Variants in SIPA1L2 observed in about 807,000 individuals in gnomAD.
The protein encoded by SIPA1L2 is signal induced proliferation associated 1 like 2.
Under a neutral mutation model 163.9 loss-of-function variants are expected in SIPA1L2, and 56 were observed. The observed-to-expected ratio is 0.34, with a 90% CI of 0.28 to 0.43. SIPA1L2 has a LOEUF of 0.43. Ranked by LOEUF, SIPA1L2 falls within the 20% of genes least tolerant of loss-of-function variation. The pLI is 1.00. For synonymous variants in SIPA1L2, 877 were observed against 865.7 expected, an observed-to-expected ratio of 1.01 and a Z score of -0.23; for missense variants, 1,974 against 2,193.5, an observed-to-expected ratio of 0.90 and a Z score of 2.00.
intron 1 of SIPA1L2, among the ~76,000 whole-genome samples, chr1:232,579,010 AG>A (rs1660223974): frequency 6.6e-6 from 1 of 152,186 alleles, no homozygotes; most frequent in Non-Finnish European, 1.5e-5. Context: ...GCCAAGTGTG[AG>A]GGGGAAAGGT....
chr1:232,566,953 A>G (rs1205759028), intron 2 of SIPA1L2, among the ~76,000 whole-genome samples: 1 of 152,222 alleles, frequency 6.6e-6, no homozygotes, highest in South Asian at 2.1e-4. Context: ...AGAAGATAAT[A>G]TAATTGTACA....
chr1:232,498,742 T>A (rs949490635), intron 3 of SIPA1L2, among the ~76,000 whole-genome samples: 1 of 152,160 alleles, frequency 6.6e-6, no homozygotes, highest in African/African-American at 2.4e-5. Flanking sequence ...GTTTTCCTCC[T>A]TATAAGGACA....
intron 3 of SIPA1L2, among the ~76,000 whole-genome samples, chr1:232,496,500 G>T (rs1666197974): frequency 6.7e-6 from 1 of 149,422 alleles, no homozygotes. Flanking sequence ...AAAAGCTCCA[G>T]TGACATTAAG....
intron 1 of SIPA1L2, among the ~76,000 whole-genome samples, chr1:232,610,867 A>C (rs1036158115): frequency 2.0e-5 from 3 of 152,164 alleles, no homozygotes; most frequent in African/African-American, 7.2e-5. Flanking sequence ...AATGAGCTTA[A>C]AAAAAGTAAA....
At chr1:232,623,420 A>G (rs964425440) in intron 1 of SIPA1L2, among the ~76,000 whole-genome samples, 10 of 152,172 alleles carry the variant, frequency 6.6e-5, no homozygotes, top group African/African-American at 2.4e-4. Flanking sequence ...CCTGGCTAAC[A>G]TGGTGAAACT....
chr1:232,435,113 G>C (rs562003995), intron 15 of SIPA1L2, among the ~76,000 whole-genome samples: 12 of 152,084 alleles, frequency 7.9e-5, no homozygotes, highest in African/African-American at 2.7e-4. Flanking sequence ...GAGATGTTTC[G>C]TTGTTAAAGG....
chr1:232,439,181 C>T lies in SIPA1L2; in HGVS notation c.3958G>A (p.Ala1320Thr), dbSNP rs143814948. The T allele has an allele frequency of 6.0e-5, 97 of 1,613,634 alleles. No individual in the cohort carries two copies. The highest frequency in any genetic ancestry group is 7.3e-5 in the Non-Finnish European group (86 of 1,180,012). The change falls in exon 15 of 23, where the codon GCG becomes ACG. Residue 1320 changes from alanine to threonine, a missense_variant. Transcript: ENST00000674635. ...PAKLYSVHGY[A>T]STISAGSAAE... Reference sequence around the variant, plus strand: ...GCACTGCCGGCGGAGATGGTGGACGCGTAGCCATGCACAGAATATAACTTG... The same window carrying T: ...GCACTGCCGGCGGAGATGGTGGACGTGTAGCCATGCACAGAATATAACTTG...
At chr1:232,509,430 A>C (rs187110836) in intron 3 of SIPA1L2, among the ~76,000 whole-genome samples, 54 of 152,364 alleles carry the variant, frequency 3.5e-4, no homozygotes, top group Non-Finnish European at 5.6e-4. Flanking sequence ...AAGTATTGAA[A>C]GATAGATCCC....
At chr1:232,527,053 A>AATGCTT (rs1339933575) in intron 2 of SIPA1L2, among the ~76,000 whole-genome samples, 5 of 152,318 alleles carry the variant, frequency 3.3e-5, no homozygotes, top group African/African-American at 1.2e-4. Context: ...TTCCACACGG[A>AATGCTT]CAGACCAGCA....
intron 6 of SIPA1L2, 114 bp downstream of exon 6, chr1:232,483,678 T>C: frequency 1.7e-6 from 2 of 1,143,100 alleles, no homozygotes; most frequent in South Asian, 1.4e-5. Context: ...ATAAGCTTTC[T>C]AGGCTGCTTC....
intron 18 of SIPA1L2, 71 bp from the exon 19 acceptor site, chr1:232,415,696 C>G: frequency 1.9e-6 from 3 of 1,598,450 alleles, no homozygotes; most frequent in Non-Finnish European, 2.6e-6. Flanking sequence ...TGAGTCAGAA[C>G]ATGGGCACCA....
At chr1:232,550,459 C>A (rs1658310420) in intron 2 of SIPA1L2, among the ~76,000 whole-genome samples, 1 of 152,210 alleles carries the variant, frequency 6.6e-6, no homozygotes, top group Non-Finnish European at 1.5e-5. Flanking sequence ...CAGCCACCTT[C>A]ATTTATATAA....
chr1:232,515,662 C>T (rs1375861969), intron 2 of SIPA1L2, 54 bp from the exon 3 acceptor site: 1 of 261,570 alleles, frequency 3.8e-6, no homozygotes, highest in East Asian at 7.6e-5. Flanking sequence ...TCAAGTTGAA[C>T]ACATTCTATG....
chr1:232,455,714 C>CAA (rs1359853284), intron 10 of SIPA1L2, among the ~76,000 whole-genome samples: 64 of 82,748 alleles, frequency 7.7e-4, no homozygotes, highest in African/African-American at 2.1e-3. Flanking sequence ...GACTCTGTCT[C>CAA]AAAAAAAAAA....
intron 2 of SIPA1L2, among the ~76,000 whole-genome samples, chr1:232,565,317 G>A (rs1221634926): frequency 2.0e-5 from 3 of 152,186 alleles, no homozygotes; most frequent in African/African-American, 7.2e-5. Context: ...AAATCAAACT[G>A]TTTTCACCAA....
chr1:232,513,505 T>TAGG, intron 3 of SIPA1L2, among the ~76,000 whole-genome samples: 1 of 152,132 alleles, frequency 6.6e-6, no homozygotes, highest in Middle Eastern at 3.4e-3. Context: ...TTCAGAGGAA[T>TAGG]AGGAGGAGGA....
chr1:232,511,597 C>T (rs192656759), intron 3 of SIPA1L2, among the ~76,000 whole-genome samples: 52 of 152,272 alleles, frequency 3.4e-4, no homozygotes, highest in East Asian at 2.1e-3. Flanking sequence ...AATAAACAGG[C>T]TTCACAGTGG....
At chr1:232,431,597 T>C (rs1039605666) in intron 16 of SIPA1L2, among the ~76,000 whole-genome samples, 4 of 152,204 alleles carry the variant, frequency 2.6e-5, no homozygotes, top group Non-Finnish European at 5.9e-5. Flanking sequence ...GAGTATTCTG[T>C]TAAGCTTCTT....
chr1:232,428,017 C>T (rs779700566), intron 17 of SIPA1L2, among the ~76,000 whole-genome samples: 2 of 152,230 alleles, frequency 1.3e-5, no homozygotes, highest in Admixed American at 1.3e-4. Context: ...GTACTAGGCT[C>T]TTCAGACATC....
Sources: gnomAD v4.1 joint callset for allele counts (sites outside exome capture counted in the v4.1 genomes callset) on GRCh38, gnomAD v4.1.1 for gene constraint, MANE v1.5 for transcripts, NCBI Gene and HGNC (gene_info 2026-07-23, HGNC 2026-07-21) for gene names.